Variants in SMAD4 observed in about 807,000 individuals in gnomAD.
The protein encoded by SMAD4 is SMAD family member 4.
SMAD4 carries 7 observed loss-of-function variants against 63.2 expected under a neutral mutation model. The observed-to-expected ratio is 0.11, with a 90% CI of 0.06 to 0.21. The LOEUF is 0.21. SMAD4 is among the 10% of genes least tolerant of loss of function. The pLI is 1.00. For missense variants in SMAD4, 312 were observed against 693.8 expected (o/e 0.45, Z 6.18); for synonymous variants, 215 against 235.4 (o/e 0.91, Z 0.79).
rs1910684106 is a variant in SMAD4, at chr18:51,084,020, AC to A, written c.*5554del. On this transcript the variant is annotated 3_prime_UTR_variant, in exon 12 of 12. Coordinates refer to ENST00000342988, the MANE Select transcript of SMAD4 (RefSeq NM_005359.6). ...CGTGCGCACGCGCGCGCGCACACACACACACACACACACACACACACACAGG... is the reference window on the plus strand; with the variant it reads ...CGTGCGCACGCGCGCGCGCACACACAACACACACACACACACACACACAGG... 1.6e-5 allele frequency: 3 copies of A among 188,372 alleles called. No individual in the cohort carries two copies. The highest frequency in any genetic ancestry group is 3.1e-5 in the Non-Finnish European group (3 of 96,852). The allele number at this position is 188,372 out of a possible 1,614,324, so 11.7% of individuals were successfully genotyped here. A position where few individuals can be genotyped will look rare whatever the true frequency, so the allele number is the denominator to read the frequency against.
rs11662245 is a variant in SMAD4, at chr18:51,084,014, A to G, written c.*5547A>G. ...AACGCGCGTGCGCACGCGCGCGCGCACACACACACACACACACACACACAC... is the reference window on the plus strand; with the variant it reads ...AACGCGCGTGCGCACGCGCGCGCGCGCACACACACACACACACACACACAC... On this transcript the variant is annotated 3_prime_UTR_variant, in exon 12 of 12. Transcript: ENST00000342988. 4,700 of 61,102 alleles carry G rather than the reference A, an allele frequency of 0.077. 44 individuals carry two copies. The highest frequency in any genetic ancestry group is 0.11 in the Middle Eastern group (27 of 236). The allele number at this position is 61,102 out of a possible 1,614,324, so 3.8% of individuals were successfully genotyped here.
rs181178864 is a variant in SMAD4, at chr18:51,054,775, A to G, written c.455-6A>G. ...AAATTTAAAATATGTTTAATTTTCT[A>G]TATAGCTCCATCAAGTATGATGGTG... On this transcript the variant is annotated splice_polypyrimidine_tract_variant and splice_region_variant and intron_variant, in intron 4 of 11. Transcript: ENST00000342988. 4.6e-4 allele frequency: 741 copies of G among 1,596,870 alleles called. 3 individuals carry two copies. In the African/African-American group the frequency reaches 9.0e-3, roughly 19 times the overall value.
intron 4 of SMAD4, among the ~76,000 whole-genome samples, chr18:51,050,586 G>C (rs1909680654): frequency 6.6e-6 from 1 of 151,466 alleles, no homozygotes; most frequent in African/African-American, 2.4e-5. Context: ...GTGAACCCGG[G>C]AGGCAGAGGT....
At chr18:51,044,261 C>T (rs990348899) in intron 1 of SMAD4, among the ~76,000 whole-genome samples, 7 of 152,014 alleles carry the variant, frequency 4.6e-5, no homozygotes, top group African/African-American at 1.7e-4. Context: ...CCTCCTGCCT[C>T]AGCCTCCTGA....
At chr18:51,057,381 G>T (rs1909873512) in intron 5 of SMAD4, among the ~76,000 whole-genome samples, 1 of 152,066 alleles carries the variant, frequency 6.6e-6, no homozygotes, top group African/African-American at 2.4e-5. Context: ...TTTTTGAATA[G>T]AATACAAGCC....
At chr18:51,031,526 T>A (rs752509225) in intron 1 of SMAD4, among the ~76,000 whole-genome samples, 7 of 152,222 alleles carry the variant, frequency 4.6e-5, no homozygotes, top group Admixed American at 1.3e-4. Context: ...AAGGTGGAAT[T>A]GCCAGTTATT....
chr18:51,068,122 T>A (rs1910213463), intron 10 of SMAD4, among the ~76,000 whole-genome samples: 1 of 152,188 alleles, frequency 6.6e-6, no homozygotes, highest in Non-Finnish European at 1.5e-5. Flanking sequence ...TGTAGCCCCA[T>A]AGCATCCATA....
intron 5 of SMAD4, among the ~76,000 whole-genome samples, chr18:51,056,322 C>T (rs1270696355): frequency 6.6e-6 from 1 of 152,078 alleles, no homozygotes; most frequent in Non-Finnish European, 1.5e-5. Context: ...TTCATTTTGA[C>T]TGTGTTGTTT....
At chr18:51,051,271 G>C (rs901763032) in intron 4 of SMAD4, 5 of 421,816 alleles carry the variant, frequency 1.2e-5, no homozygotes, top group Non-Finnish European at 2.3e-5. Context: ...CCTTTCTATA[G>C]TGACTGTAGG....
At chr18:51,071,174 AGAT>A (rs759984266) in intron 10 of SMAD4, among the ~76,000 whole-genome samples, 14 of 152,098 alleles carry the variant, frequency 9.2e-5, no homozygotes, top group Non-Finnish European at 2.1e-4. Flanking sequence ...TTTTCACAGG[AGAT>A]GATATTATTG....
chr18:51,035,949 A>G (rs796966811), intron 1 of SMAD4, among the ~76,000 whole-genome samples: 6 of 152,332 alleles, frequency 3.9e-5, no homozygotes, highest in African/African-American at 1.2e-4. Flanking sequence ...TCTTGATTCT[A>G]AAGGTTTTGT....
In SMAD4 at chr18:51,078,570, C is replaced by G; in HGVS notation, c.*103C>G. The G allele has an allele frequency of 8.0e-6, 7 of 876,866 alleles. No individual in the cohort carries two copies. The highest frequency in any genetic ancestry group is 1.2e-5 in the Non-Finnish European group (7 of 565,208). 54.3% of individuals were successfully genotyped at this position (876,866 alleles called of 1,614,324 possible). Reference sequence around the variant, plus strand: ...ATATTTCACTTTTGTTCTGCTTTATCTTTTCATAAAGGGTTGAAAATGTGT... The same window carrying G: ...ATATTTCACTTTTGTTCTGCTTTATGTTTTCATAAAGGGTTGAAAATGTGT... On this transcript the variant is annotated 3_prime_UTR_variant, in exon 12 of 12. Coordinates refer to ENST00000342988, the MANE Select transcript of SMAD4 (RefSeq NM_005359.6).
chr18:51,070,878 G>A (rs1295752516), intron 10 of SMAD4, among the ~76,000 whole-genome samples: 3 of 152,100 alleles, frequency 2.0e-5, no homozygotes, highest in African/African-American at 7.2e-5. Context: ...CAAGGGTAAT[G>A]ATGCTGGGAT....
In SMAD4 at chr18:51,047,120, G is replaced by T; in HGVS notation, c.74G>T (p.Cys25Phe). Residue 25 changes from cysteine to phenylalanine, a missense_variant, in exon 2 of 12, where the codon TGC (cysteine) becomes TTC (phenylalanine). Transcript: ENST00000342988. ...ACLSIVHSLM[C>F]HRQGGESETF... ...CTGAGCATTGTGCATAGTTTGATGTGCCATAGACAAGGTGGAGAGAGTGAA... is the reference window on the plus strand; with the variant it reads ...CTGAGCATTGTGCATAGTTTGATGTTCCATAGACAAGGTGGAGAGAGTGAA... 6.2e-7 allele frequency: 1 copy of T among 1,613,948 alleles called. No homozygotes were observed. The highest frequency in any genetic ancestry group is 8.5e-7 in the Non-Finnish European group (1 of 1,179,860).
intron 4 of SMAD4, chr18:51,049,549 T>G: frequency 2.1e-6 from 1 of 473,888 alleles, no homozygotes; most frequent in South Asian, 3.4e-5. Flanking sequence ...ATTTATGAAC[T>G]AAAGTACTGT....
chr18:51,076,256 G>A (rs1033325259), intron 10 of SMAD4, among the ~76,000 whole-genome samples: 9 of 152,092 alleles, frequency 5.9e-5, no homozygotes, highest in Non-Finnish European at 1.3e-4. Context: ...TTGGCCAGGC[G>A]ACCAAAGCTA....
At position 51,081,406 on chromosome 18, in the gene SMAD4, C is replaced by G. The variant is rs1363463917; in HGVS notation, c.*2939C>G. 2 of 230,212 alleles carry G rather than the reference C, an allele frequency of 8.7e-6. No homozygotes were observed. The highest frequency in any genetic ancestry group is 5.7e-5 in the Admixed American group (1 of 17,658). The allele number at this position is 230,212 out of a possible 1,614,324, so 14.3% of individuals were successfully genotyped here. ...CGGGGAGTAGATCGTGGGATATAGT[C>G]TATCTCATTTTTAATAGTTTACCGC... On this transcript the variant is annotated 3_prime_UTR_variant, in exon 12 of 12. Transcript: ENST00000342988.
chr18:51,084,096 G>T lies in SMAD4; in HGVS notation c.*5629G>T. Reference sequence around the variant, plus strand: ...TGACATTCTAGCTTTTGAATTGCGTGCACACACACACGCACGCACACACTC... The same window carrying T: ...TGACATTCTAGCTTTTGAATTGCGTTCACACACACACGCACGCACACACTC... On this transcript the variant is annotated 3_prime_UTR_variant, in exon 12 of 12. Transcript: ENST00000342988. 1 of 230,746 alleles carries T rather than the reference G, an allele frequency of 4.3e-6. No homozygotes were observed. The highest frequency in any genetic ancestry group is 1.8e-4 in the South Asian group (1 of 5,444). 14.3% of individuals were successfully genotyped at this position (230,746 alleles called of 1,614,324 possible).
At chr18:51,069,883 T>C (rs762513572) in intron 10 of SMAD4, among the ~76,000 whole-genome samples, 2 of 152,262 alleles carry the variant, frequency 1.3e-5, no homozygotes, top group Non-Finnish European at 2.9e-5. Context: ...CCTTTGTTTA[T>C]GGTCTTGGTA....
Sources: gnomAD v4.1 joint callset for allele counts (sites outside exome capture counted in the v4.1 genomes callset) on GRCh38, gnomAD v4.1.1 for gene constraint, MANE v1.5 for transcripts, NCBI Gene and HGNC (gene_info 2026-07-23, HGNC 2026-07-21) for gene names.